PTPN13: variants seen among roughly 807,000 people sequenced by gnomAD.
The protein encoded by PTPN13 is tyrosine-protein phosphatase non-receptor type 13.
PTPN13 carries 191 observed loss-of-function variants against 284.0 expected under a neutral mutation model. The ratio of observed to expected loss-of-function variants is 0.67; its 90% CI spans 0.60 to 0.76. PTPN13 has a LOEUF of 0.76. PTPN13 is among the 30% of genes least tolerant of loss of function. The pLI is 0.00. For synonymous variants in PTPN13, 986 were observed against 1,022.3 expected (o/e 0.96, Z 0.68); for missense variants, 2,797 against 2,939.9 (o/e 0.95, Z 1.12).
At chr4:86,686,613 T>C in intron 3 of PTPN13, 97 bp from the exon 4 acceptor site, 1 of 805,724 alleles carries the variant, frequency 1.2e-6, no homozygotes. Context: ...TTGTGTATTA[T>C]ATTTTCTTTG....
intron 27 of PTPN13, among the ~76,000 whole-genome samples, chr4:86,766,963 A>G (rs545856579): frequency 1.3e-5 from 2 of 152,166 alleles, no homozygotes; most frequent in African/African-American, 4.8e-5. Flanking sequence ...TGTGAGGCCC[A>G]GGCTGGAGTG....
chr4:86,612,810 G>C lies in PTPN13; in HGVS notation c.-6+18021G>C, dbSNP rs193227182. On this transcript the variant is annotated intron_variant, in intron 1 of 47. Coordinates refer to ENST00000411767, the MANE Select transcript of PTPN13 (RefSeq NM_080683.3). Reference sequence around the variant, plus strand: ...CAAAAATAGTGCAAACAAGAAGAAGGCATAGTGACATCTTTAAAGTGCTGA... The same window carrying C: ...CAAAAATAGTGCAAACAAGAAGAAGCCATAGTGACATCTTTAAAGTGCTGA... Among the ~76,000 whole-genome samples, 511 of 152,250 alleles carry C rather than the reference G, an allele frequency of 3.4e-3. 1 individual carries two copies. Among genetic ancestry groups the C allele is most frequent in the African/African-American group, 0.012 (494 of 41,542 alleles).
intron 40 of PTPN13, among the ~76,000 whole-genome samples, chr4:86,792,868 A>G (rs1294395709): frequency 2.6e-5 from 4 of 152,242 alleles, no homozygotes; most frequent in African/African-American, 7.2e-5. Flanking sequence ...AGCACTAAAC[A>G]TGGAAAGGAA....
chr4:86,616,560 C>G (rs1216702999), intron 1 of PTPN13, among the ~76,000 whole-genome samples: 1 of 151,748 alleles, frequency 6.6e-6, no homozygotes, highest in Non-Finnish European at 1.5e-5. Flanking sequence ...GGTGGGTGGG[C>G]AGATTTCTCA....
chr4:86,745,008 C>T lies in PTPN13; in HGVS notation c.2530C>T (p.His844Tyr). 1 of 1,597,752 alleles carries T rather than the reference C, an allele frequency of 6.3e-7. No individual in the cohort carries two copies. Among genetic ancestry groups the T allele is most frequent in the Non-Finnish European group, 8.5e-7 (1 of 1,171,256 alleles). ...TLQNTSDGIK[H>Y]GFQTDNSKIC... is the part of the protein sequence containing the mutation. ...GCAAAATACATCAGATGGAATAAAA[C>T]ATGGCTTCCAGACAGACAACAGTAA... Residue 844 changes from histidine to tyrosine, a missense_variant, in exon 17 of 48, where the codon CAT becomes TAT. Physicochemically the swap from His to Tyr is moderately conservative, Grantham distance 83 (BLOSUM62 2). Transcript: ENST00000411767.
chr4:86,636,941 TAAAG>T (rs1169129008), intron 2 of PTPN13, among the ~76,000 whole-genome samples: 2 of 148,920 alleles, frequency 1.3e-5, no homozygotes, highest in South Asian at 2.1e-4. Context: ...GCAAGACTAA[TAAAG>T]AAAAAAAGAG....
Position 86,794,537 on chromosome 4 carries a change from G to GA in PTPN13, c.6346-2331dup, listed in dbSNP as rs1378157050. On this transcript the variant is annotated intron_variant, in intron 40 of 47. Transcript: ENST00000411767. ...ACCACTGACTTTCTTCCCAGAATAG[G>GA]AAAAAACTACTTTAAAGTTCATATG... Among the ~76,000 whole-genome samples the GA allele has an allele frequency of 6.6e-5, 10 of 152,052 alleles. No homozygotes were observed. In the South Asian group the frequency reaches 2.1e-3, roughly 32 times the overall value.
In PTPN13 at chr4:86,722,306, A is replaced by T. The variant is rs1166385870; in HGVS notation, c.1480A>T (p.Met494Leu). 6.2e-7 allele frequency: 1 copy of T among 1,613,656 alleles called. No individual in the cohort carries two copies. Among genetic ancestry groups the T allele is most frequent in the African/African-American group, 1.3e-5 (1 of 74,890 alleles). The change falls in exon 10 of 48, where the codon ATG becomes TTG. Residue 494 changes from methionine (M) to leucine (L), a missense_variant. Transcript: ENST00000411767. ...EEELMQLQAK[M>L]ALRQSRLSLY... Reference sequence around the variant, plus strand: ...AGAACTGATGCAGCTACAAGCCAAAATGGCCCTTAGACAGTCTCGGTTGAG... The same window carrying T: ...AGAACTGATGCAGCTACAAGCCAAATTGGCCCTTAGACAGTCTCGGTTGAG...
Position 86,814,789 on chromosome 4 carries a change from T to C in PTPN13, c.*238T>C. On this transcript the variant is annotated 3_prime_UTR_variant, in exon 48 of 48. Coordinates refer to ENST00000411767, the MANE Select transcript of PTPN13 (RefSeq NM_080683.3). ...TAACACTAACCAAACAATGCAGATC[T>C]TAGGGATGATTAAAGGCAGCATTTG... 2 of 378,738 alleles carry C rather than the reference T, an allele frequency of 5.3e-6. No homozygotes were observed. Among genetic ancestry groups the C allele is most frequent in the Non-Finnish European group, 9.6e-6 (2 of 208,482 alleles). The allele number at this position is 378,738 out of a possible 1,614,324, so 23.5% of individuals were successfully genotyped here.
chr4:86,625,094 C>T (rs1351374147), intron 1 of PTPN13, among the ~76,000 whole-genome samples: 1 of 152,120 alleles, frequency 6.6e-6, no homozygotes, highest in African/African-American at 2.4e-5. Flanking sequence ...CCTTTGACTT[C>T]AGCAGACCAG....
At chr4:86,643,473 A>T (rs1431483261) in intron 2 of PTPN13, among the ~76,000 whole-genome samples, 2 of 152,206 alleles carry the variant, frequency 1.3e-5, no homozygotes, top group African/African-American at 4.8e-5. Flanking sequence ...CTCCTAAAAA[A>T]GTGCCTAAAA....
intron 1 of PTPN13, among the ~76,000 whole-genome samples, chr4:86,602,961 G>A (rs1578233122): frequency 1.3e-5 from 2 of 152,086 alleles, no homozygotes; most frequent in South Asian, 2.1e-4. Flanking sequence ...AGCCTCTTAA[G>A]GTGTTGGGAT....
chr4:86,660,571 T>C (rs1726368460), intron 2 of PTPN13, among the ~76,000 whole-genome samples: 1 of 152,164 alleles, frequency 6.6e-6, no homozygotes, highest in African/African-American at 2.4e-5. Context: ...TAAGAGGGTG[T>C]ATTAGTTGTC....
At position 86,782,280 on chromosome 4, in the gene PTPN13, C is replaced by T. The variant is rs1289752810; in HGVS notation, c.6024+18C>T. On this transcript the variant is annotated intron_variant, in intron 37 of 47. Transcript: ENST00000411767. ...TCTCCACGGTAAGAAAAAGCCCACC[C>T]TCTTTCATGTCATACCTCCTTATCT... is the stretch of plus-strand genomic sequence containing the variant. 2 of 1,576,026 alleles carry T rather than the reference C, an allele frequency of 1.3e-6. No homozygotes were observed. The highest frequency in any genetic ancestry group is 1.7e-6 in the Non-Finnish European group (2 of 1,145,508).
In PTPN13 at chr4:86,774,398, T is replaced by C. The variant is rs375688031; in HGVS notation, c.5375T>C (p.Ile1792Thr). ...ELEVELLITLIKSEKGSLGFT... is the reference protein window; with the variant it reads ...ELEVELLITLTKSEKGSLGFT... ...GAAGTAGAACTCCTCATTACCCTAA[T>C]TAAATCAGAAAAAGGAAGCCTGGGT... The change falls in exon 33 of 48, where the codon ATT becomes ACT. Residue 1792 changes from isoleucine to threonine, a missense_variant. Physicochemically the swap from Ile to Thr is moderately conservative, Grantham distance 89. Coordinates refer to ENST00000411767, the MANE Select transcript of PTPN13 (RefSeq NM_080683.3). 3.1e-5 allele frequency: 50 copies of C among 1,607,294 alleles called. No homozygotes were observed. The highest frequency in any genetic ancestry group is 4.0e-5 in the African/African-American group (3 of 74,828).
At chr4:86,675,117 G>A (rs1447202099) in intron 3 of PTPN13, among the ~76,000 whole-genome samples, 1 of 152,116 alleles carries the variant, frequency 6.6e-6, no homozygotes. Flanking sequence ...CTATGTTTAG[G>A]AATAACTGTT....
intron 39 of PTPN13, among the ~76,000 whole-genome samples, chr4:86,785,585 T>G (rs1741806388): frequency 6.6e-6 from 1 of 152,254 alleles, no homozygotes; most frequent in African/African-American, 2.4e-5. Context: ...AATGTATCAT[T>G]TATATCATGG....
chr4:86,722,740 T>C (rs1733808463), intron 10 of PTPN13, among the ~76,000 whole-genome samples: 1 of 152,200 alleles, frequency 6.6e-6, no homozygotes, highest in Admixed American at 6.6e-5. Flanking sequence ...TGGGGGATTA[T>C]TTTTTCATAT....
intron 1 of PTPN13, among the ~76,000 whole-genome samples, chr4:86,606,937 A>C (rs1480807504): frequency 1.3e-5 from 2 of 151,896 alleles, no homozygotes. Flanking sequence ...TTGTATTGCC[A>C]CATAGTTCTA....
Sources: gnomAD v4.1 joint callset for allele counts (sites outside exome capture counted in the v4.1 genomes callset) on GRCh38, gnomAD v4.1.1 for gene constraint, MANE v1.5 for transcripts, NCBI Gene and HGNC (gene_info 2026-07-23, HGNC 2026-07-21) for gene names.